MAPK10: variants seen among roughly 807,000 people sequenced by gnomAD.
MAPK10 encodes mitogen-activated protein kinase 10.
A neutral mutation model predicts 59.3 loss-of-function variants in MAPK10; 25 were observed. The observed-to-expected ratio is 0.42, with a 90% CI of 0.31 to 0.59. The LOEUF is 0.59. Among genes scored for constraint, MAPK10 ranks in the 20% least tolerant of loss-of-function variants. The pLI is 0.15. For synonymous variants in MAPK10, 190 were observed against 200.5 expected (o/e 0.95, Z 0.44); for missense variants, 351 against 568.9 (o/e 0.62, Z 3.90).
chr4:86,223,114 C>T (rs1479224243), intron 2 of MAPK10, among the ~76,000 whole-genome samples: 2 of 152,206 alleles, frequency 1.3e-5, no homozygotes, highest in Non-Finnish European at 2.9e-5. Context: ...GCAACATATT[C>T]TGCATTACAA....
intron 1 of MAPK10, among the ~76,000 whole-genome samples, chr4:86,576,024 T>TGTGTGTGTGTG (rs1554284007): frequency 1.3e-5 from 2 of 150,256 alleles, no homozygotes; most frequent in African/African-American, 2.4e-5. Flanking sequence ...TGTGTGTGTA[T>TGTGTGTGTGTG]TATATATTGC....
intron 3 of MAPK10, among the ~76,000 whole-genome samples, chr4:86,166,913 C>A (rs1425736753): frequency 6.6e-6 from 1 of 151,814 alleles, no homozygotes; most frequent in Non-Finnish European, 1.5e-5. Flanking sequence ...CAAAAAAAAA[C>A]CTTCAAAAAT....
At chr4:86,107,189 C>T in intron 5 of MAPK10, 34 bp downstream of exon 5, 1 of 1,563,218 alleles carries the variant, frequency 6.4e-7, no homozygotes, top group South Asian at 1.2e-5. Flanking sequence ...TTACAAACTC[C>T]CACTGCCAGA....
At chr4:86,201,813 T>C (rs2082683220) in intron 2 of MAPK10, among the ~76,000 whole-genome samples, 1 of 151,844 alleles carries the variant, frequency 6.6e-6, no homozygotes, top group Non-Finnish European at 1.5e-5. Flanking sequence ...TAAATCGTCT[T>C]TTTCTTCTTC....
At chr4:86,038,369 T>C (rs1038341736) in intron 11 of MAPK10, among the ~76,000 whole-genome samples, 1 of 152,366 alleles carries the variant, frequency 6.6e-6, no homozygotes, top group Middle Eastern at 3.4e-3. Flanking sequence ...TACTGAAATA[T>C]GCTTTGTTTT....
At chr4:86,065,575 G>T (rs1417464218) in intron 10 of MAPK10, 1 of 152,124 alleles carries the variant, frequency 6.6e-6, no homozygotes, top group African/African-American at 2.4e-5. Context: ...TGGGATACAT[G>T]TGCACAACAT....
chr4:86,305,312 G>T (rs1266078985), intron 2 of MAPK10, among the ~76,000 whole-genome samples: 2 of 152,142 alleles, frequency 1.3e-5, no homozygotes, highest in Non-Finnish European at 2.9e-5. Flanking sequence ...GAGTCATGTA[G>T]ATTCTGGGAA....
At chr4:86,539,369 C>T (rs1758499094) in intron 1 of MAPK10, among the ~76,000 whole-genome samples, 1 of 152,192 alleles carries the variant, frequency 6.6e-6, no homozygotes, top group Admixed American at 6.5e-5. Context: ...TCGTCCTACA[C>T]TTTGCACAAA....
At chr4:86,266,888 A>G (rs1424654314) in intron 2 of MAPK10, among the ~76,000 whole-genome samples, 2 of 152,026 alleles carry the variant, frequency 1.3e-5, no homozygotes, top group Non-Finnish European at 2.9e-5. Flanking sequence ...TTTTCTGCAA[A>G]ATTACATTTT....
At chr4:86,220,152 T>C (rs948446820) in intron 2 of MAPK10, among the ~76,000 whole-genome samples, 1 of 152,166 alleles carries the variant, frequency 6.6e-6, no homozygotes, top group African/African-American at 2.4e-5. Flanking sequence ...GGCCCAAAAC[T>C]AAATAAAATG....
intron 3 of MAPK10, among the ~76,000 whole-genome samples, chr4:86,174,300 T>A (rs1243225892): frequency 6.6e-6 from 1 of 152,152 alleles, no homozygotes; most frequent in East Asian, 1.9e-4. Flanking sequence ...TAAAGAGGAA[T>A]GAGATCATAT....
chr4:86,382,667 G>A (rs58833174), intron 1 of MAPK10, among the ~76,000 whole-genome samples: 37 of 152,254 alleles, frequency 2.4e-4, no homozygotes, highest in African/African-American at 8.4e-4. Context: ...TAGTCTTTGG[G>A]TTACTAACCA....
Position 86,067,850 on chromosome 4 carries a change from T to G in MAPK10, c.908A>C (p.Lys303Thr). ...TVRNYVENRP[K>T]YAGLTFPKLF... ...TTTGGGGAAGGTGAGTCCCGCATAC[T>G]TGGGCCGATTCTCCACATAGTTTCT... Residue 303 changes from lysine (K) to threonine (T), a missense_variant, in exon 10 of 14, where the codon AAG becomes ACG. Physicochemically the swap from Lys to Thr is moderately conservative, Grantham distance 78. Transcript: ENST00000641462. The G allele has an allele frequency of 6.2e-7, 1 of 1,614,094 alleles. No homozygotes were observed. The highest frequency in any genetic ancestry group is 8.5e-7 in the Non-Finnish European group (1 of 1,179,968).
At chr4:86,550,592 G>A (rs561323473) in intron 1 of MAPK10, among the ~76,000 whole-genome samples, 1 of 151,990 alleles carries the variant, frequency 6.6e-6, no homozygotes, top group African/African-American at 2.4e-5. Flanking sequence ...CCAGCTACTC[G>A]GGAGGGAGGC....
At chr4:86,270,749 G>C (rs1241097928) in intron 2 of MAPK10, among the ~76,000 whole-genome samples, 2 of 152,016 alleles carry the variant, frequency 1.3e-5, no homozygotes, top group Non-Finnish European at 2.9e-5. Context: ...ACCTGTTCTT[G>C]CATTTCATAA....
chr4:86,325,838 T>C (rs2096009902), intron 2 of MAPK10: 1 of 152,196 alleles, frequency 6.6e-6, no homozygotes, highest in Non-Finnish European at 1.5e-5. Flanking sequence ...ATTTAAACTT[T>C]TATAAAGCAA....
intron 2 of MAPK10, among the ~76,000 whole-genome samples, chr4:86,239,816 TC>T (rs2092587464): frequency 6.6e-6 from 1 of 151,976 alleles, no homozygotes; most frequent in Non-Finnish European, 1.5e-5. Context: ...GATCCTGGAT[TC>T]ATTGAGTTTT....
chr4:86,292,335 T>C (rs1479185775), intron 2 of MAPK10, among the ~76,000 whole-genome samples: 1 of 152,136 alleles, frequency 6.6e-6, no homozygotes, highest in Non-Finnish European at 1.5e-5. Flanking sequence ...TGAAGCACAA[T>C]CCTCATCATT....
intron 1 of MAPK10, among the ~76,000 whole-genome samples, chr4:86,582,564 C>T (rs1047359524): frequency 6.6e-6 from 1 of 152,122 alleles, no homozygotes; most frequent in Non-Finnish European, 1.5e-5. Context: ...AAAGCTATTC[C>T]ATTTACTTGG....
Sources: gnomAD v4.1 joint callset for allele counts (sites outside exome capture counted in the v4.1 genomes callset) on GRCh38, gnomAD v4.1.1 for gene constraint, MANE v1.5 for transcripts, NCBI Gene and HGNC (gene_info 2026-07-23, HGNC 2026-07-21) for gene names.